The following ACOT1 variants were observed in gnomAD, a reference collection of about 807,000 sequenced individuals.
ACOT1 encodes acyl-CoA thioesterase 1.
ACOT1 carries 8 observed loss-of-function variants against 15.7 expected under a neutral mutation model. The observed-to-expected ratio is 0.51, with a 90% CI of 0.30 to 0.92. ACOT1 has a LOEUF of 0.92. Ranked by LOEUF, ACOT1 falls within the 40% of genes least tolerant of loss-of-function variation. The pLI is 0.06. For missense variants in ACOT1, 151 were observed against 539.4 expected (o/e 0.28, Z 7.13); for synonymous variants, 67 against 241.2 (o/e 0.28, Z 6.69).
the ACOT1 span, among the ~76,000 whole-genome samples, chr14:73,529,376 AATT>A: frequency 0.034 from 5,095 of 148,314 alleles, 94 homozygotes; most frequent in Middle Eastern, 0.067. Context: ...AAAAAAAAAA[AATT>A]AAGTCAATCC....
chr14:73,528,526 C>G, the ACOT1 span, among the ~76,000 whole-genome samples: 1 of 151,666 alleles, frequency 6.6e-6, no homozygotes, highest in African/African-American at 2.4e-5. Flanking sequence ...TAGGTCTGAT[C>G]AAAAGAGGCT....
the ACOT1 span, chr14:73,492,746 T>G: frequency 1.5e-5 from 24 of 1,613,982 alleles, no homozygotes; most frequent in Non-Finnish European, 1.9e-5. The surrounding 1 kb of genome is among the most constrained non-coding windows in gnomAD (Gnocchi z 4.9). Context: ...CTCCCGTGTG[T>G]ATCATCTGGA....
the ACOT1 span, chr14:73,491,165 A>C: frequency 6.2e-7 from 1 of 1,603,982 alleles, no homozygotes; most frequent in African/African-American, 1.3e-5. Flanking sequence ...TGTATCCCGC[A>C]TGGCAGCGCT....
At position 73,543,270 on chromosome 14, in the gene ACOT1, A is replaced by G; in HGVS notation, c.881A>G (p.Asp294Gly). 6.3e-7 allele frequency: 1 copy of G among 1,590,178 alleles called. No homozygotes were observed. Among genetic ancestry groups the G allele is most frequent in the Non-Finnish European group, 8.6e-7 (1 of 1,167,478 alleles). The stretch of plus-strand genomic sequence containing the variant: ...AAAGATGGCTATGCAGACATTGTGG[A>G]TGTCCTGAACAGCCCTTTGGAAGGA... ...VTKDGYADIV[D>G]VLNSPLEGPD... The change falls in exon 3 of 3, where the codon GAT becomes GGT. Residue 294 changes from aspartate to glycine, a missense_variant. By Grantham distance (94) the Asp-to-Gly change is moderately conservative. Coordinates refer to ENST00000311148, the MANE Select transcript of ACOT1 (RefSeq NM_001037161.2).
At chr14:73,525,671 G>A in the ACOT1 span, among the ~76,000 whole-genome samples, 1 of 152,156 alleles carries the variant, frequency 6.6e-6, no homozygotes, top group Admixed American at 6.6e-5. Flanking sequence ...AGCACCTTTA[G>A]GCCGGATGCG....
At chr14:73,496,940 G>C in the ACOT1 span, among the ~76,000 whole-genome samples, 2 of 152,216 alleles carry the variant, frequency 1.3e-5, no homozygotes, top group African/African-American at 4.8e-5. Context: ...CCCAGAGCTG[G>C]AGTGCAATGG....
upstream of ACOT1, among the ~76,000 whole-genome samples, chr14:73,533,356 A>G (rs1013316989): frequency 3.5e-5 from 4 of 115,578 alleles, 1 homozygote; most frequent in African/African-American, 1.1e-4. Flanking sequence ...TGGAAGATAC[A>G]TACAACAGAA....
At chr14:73,509,467 G>T in the ACOT1 span, 1 of 1,613,840 alleles carries the variant, frequency 6.2e-7, no homozygotes, top group Non-Finnish European at 8.5e-7. Flanking sequence ...GTCCTGGATG[G>T]TCTTGTCTGT....
At chr14:73,501,680 T>C in the ACOT1 span, among the ~76,000 whole-genome samples, 2 of 151,082 alleles carry the variant, frequency 1.3e-5, no homozygotes, top group Admixed American at 1.3e-4. Context: ...ACCCAGGCAG[T>C]CCTCTTGCCT....
chr14:73,506,588 CT>C, the ACOT1 span: 1 of 1,561,376 alleles, frequency 6.4e-7, no homozygotes, highest in Non-Finnish European at 8.8e-7. Flanking sequence ...AAATGGAAGA[CT>C]TGTATGGATA....
chr14:73,532,183 G>T (rs1337625640), upstream of ACOT1, among the ~76,000 whole-genome samples: 10 of 115,342 alleles, frequency 8.7e-5, 5 homozygotes, highest in Non-Finnish European at 1.9e-4. Context: ...TAAAACAGAT[G>T]GTAAAGTAGA....
chr14:73,504,344 G>C, the ACOT1 span, among the ~76,000 whole-genome samples: 1 of 151,714 alleles, frequency 6.6e-6, no homozygotes. Context: ...CTGGGATCAC[G>C]CCATTCTCCT....
At chr14:73,508,146 C>T in the ACOT1 span, 1 of 1,614,084 alleles carries the variant, frequency 6.2e-7, no homozygotes, top group South Asian at 1.1e-5. Flanking sequence ...TCTTCTCACT[C>T]AGATAGCTCA....
At chr14:73,514,128 T>A in the ACOT1 span, 3 of 1,614,164 alleles carry the variant, frequency 1.9e-6, no homozygotes, top group Non-Finnish European at 1.7e-6. Context: ...GCTTCTTCAA[T>A]CTCCTGGTCT....
At chr14:73,532,037 A>G in the ACOT1 span, among the ~76,000 whole-genome samples, 2 of 113,626 alleles carry the variant, frequency 1.8e-5, 1 homozygote, top group South Asian at 5.6e-4. Context: ...AGTCTCAAAA[A>G]ATAAAAATAA....
At chr14:73,501,723 C>T in the ACOT1 span, among the ~76,000 whole-genome samples, 2 of 151,700 alleles carry the variant, frequency 1.3e-5, no homozygotes, top group Non-Finnish European at 2.9e-5. Context: ...TACAGGCATA[C>T]ACCACCACAC....
the ACOT1 span, chr14:73,509,373 T>C: frequency 3.7e-6 from 6 of 1,613,954 alleles, no homozygotes; most frequent in South Asian, 1.1e-5. Context: ...GTATGGCATA[T>C]TGGCATATTG....
At chr14:73,494,800 A>T in the ACOT1 span, among the ~76,000 whole-genome samples, 21 of 152,084 alleles carry the variant, frequency 1.4e-4, no homozygotes, top group African/African-American at 3.9e-4. Flanking sequence ...GCCTGGGGTG[A>T]TCCTCCCACC....
At chr14:73,495,498 A>G in the ACOT1 span, 1 of 860,708 alleles carries the variant, frequency 1.2e-6, no homozygotes, top group African/African-American at 1.7e-5. Context: ...AGGGAGGATC[A>G]CTTGAGCCCA....
Sources: gnomAD v4.1 joint callset for allele counts (sites outside exome capture counted in the v4.1 genomes callset) on GRCh38, gnomAD v4.1.1 for gene constraint, Gnocchi (gnomAD v3.1) non-coding constraint, MANE v1.5 for transcripts, NCBI Gene and HGNC (gene_info 2026-07-23, HGNC 2026-07-21) for gene names.